The following NFASC variants were observed in gnomAD, a reference collection of about 807,000 sequenced individuals.
NFASC encodes the protein neurofascin homolog.
A neutral mutation model predicts 147.5 loss-of-function variants in NFASC; 43 were observed. The ratio of observed to expected loss-of-function variants is 0.29; its 90% CI spans 0.23 to 0.38. NFASC has a LOEUF of 0.38. Ranked by LOEUF, NFASC falls within the 10% of genes least tolerant of loss-of-function variation. The probability of loss-of-function intolerance (pLI) is 1.00; values close to 1 mark genes in which losing one functional copy is unlikely to be tolerated. For synonymous variants in NFASC, 622 were observed against 665.5 expected (o/e 0.93, Z 1.01); for missense variants, 1,320 against 1,689.0 (o/e 0.78, Z 3.83).
At chr1:204,941,022 C>T (rs897046417) in intron 2 of NFASC, among the ~76,000 whole-genome samples, 2 of 152,172 alleles carry the variant, frequency 1.3e-5, no homozygotes, top group Non-Finnish European at 2.9e-5. Context: ...CCAAACTATA[C>T]ATTTCTTTTT....
chr1:204,920,102 C>T (rs956076209), intron 1 of NFASC, among the ~76,000 whole-genome samples: 1 of 152,196 alleles, frequency 6.6e-6, no homozygotes, highest in Non-Finnish European at 1.5e-5. Context: ...GAGAAGTGTC[C>T]TACTCTAAAT....
At chr1:204,991,544 G>A (rs1219644428) in intron 24 of NFASC, among the ~76,000 whole-genome samples, 3 of 152,214 alleles carry the variant, frequency 2.0e-5, no homozygotes, top group Admixed American at 6.5e-5. Flanking sequence ...GTAGGAGAAT[G>A]GCTCAGCAGG....
At chr1:204,930,451 G>C (rs1399403308) in intron 2 of NFASC, among the ~76,000 whole-genome samples, 1 of 152,172 alleles carries the variant, frequency 6.6e-6, no homozygotes, top group East Asian at 1.9e-4. Flanking sequence ...TCATTGATGA[G>C]CTATTAAAAT....
Position 204,986,631 on chromosome 1 carries a change from C to T in NFASC, c.2471-787C>T, listed in dbSNP as rs1291995433. 6.3e-6 allele frequency: 1 copy of T among 159,200 alleles called. No individual in the cohort carries two copies. Among genetic ancestry groups the T allele is most frequent in the Non-Finnish European group, 1.4e-5 (1 of 71,746 alleles). The allele number at this position is 159,200 out of a possible 1,614,324, so 9.9% of individuals were successfully genotyped here. A position where few individuals can be genotyped will look rare whatever the true frequency, so the allele number is the denominator to read the frequency against. Reference sequence around the variant, plus strand: ...GTTTCACATGGCCCTGGGGTCAAAACCCCTATTTTTTGTTTCACATAAATT... The same window carrying T: ...GTTTCACATGGCCCTGGGGTCAAAATCCCTATTTTTTGTTTCACATAAATT... On this transcript the variant is annotated intron_variant, in intron 21 of 29. Transcript: ENST00000339876. The surrounding 1 kb of genome is among the most constrained non-coding windows in gnomAD (Gnocchi z 4.2).
intron 1 of NFASC, among the ~76,000 whole-genome samples, chr1:204,865,069 T>C (rs576294504): frequency 2.6e-5 from 4 of 152,350 alleles, no homozygotes; most frequent in African/African-American, 9.6e-5. Flanking sequence ...GTTTTAGCAC[T>C]CATATTTGGG....
At chr1:204,962,199 C>G in intron 8 of NFASC, 1 of 1,558,956 alleles carries the variant, frequency 6.4e-7, no homozygotes, top group Non-Finnish European at 8.8e-7. Flanking sequence ...CTTGCCTGTG[C>G]TAACCCCAGT....
chr1:204,953,389 C>T (rs1283688113), intron 5 of NFASC, among the ~76,000 whole-genome samples: 10 of 152,174 alleles, frequency 6.6e-5, no homozygotes, highest in Admixed American at 2.6e-4. Flanking sequence ...CTCCACTTCC[C>T]GGGTTCATGC....
At position 205,020,944 on chromosome 1, in the gene NFASC, A is replaced by G. The variant is rs972483111; in HGVS notation, c.*4405A>G. The G allele has an allele frequency of 5.3e-5, 8 of 152,196 alleles. No individual in the cohort carries two copies. Among genetic ancestry groups the G allele is most frequent in the African/African-American group, 1.9e-4 (8 of 41,424 alleles). The allele number at this position is 152,196 out of a possible 1,614,324, so 9.4% of individuals were successfully genotyped here. A position where few individuals can be genotyped will look rare whatever the true frequency, so the allele number is the denominator to read the frequency against. On this transcript the variant is annotated 3_prime_UTR_variant, in exon 30 of 30. Coordinates refer to ENST00000339876, the MANE Select transcript of NFASC (RefSeq NM_001005388.3). ...AGCCCATGGTTGCGGTTGCATCTACACCGTTAGTTGGCAAAGGATCCTGCT... is the reference window on the plus strand; with the variant it reads ...AGCCCATGGTTGCGGTTGCATCTACGCCGTTAGTTGGCAAAGGATCCTGCT...
At chr1:204,983,976 A>G in intron 21 of NFASC, 1 of 1,303,792 alleles carries the variant, frequency 7.7e-7, no homozygotes, top group Non-Finnish European at 1.1e-6. Context: ...AGTCAGAAGC[A>G]ACTGTAGAGT....
intron 1 of NFASC, among the ~76,000 whole-genome samples, chr1:204,905,656 G>T (rs1467996489): frequency 6.6e-6 from 1 of 151,884 alleles, no homozygotes; most frequent in Admixed American, 6.6e-5. Flanking sequence ...ATATTTCATT[G>T]TTTGACTCTA....
chr1:205,015,202 G>A lies in NFASC; in HGVS notation c.3492-1106G>A, dbSNP rs368937877. On this transcript the variant is annotated intron_variant, in intron 29 of 29. Coordinates refer to ENST00000339876, the MANE Select transcript of NFASC (RefSeq NM_001005388.3). The surrounding 1 kb of genome is among the most constrained non-coding windows in gnomAD (Gnocchi z 4.0). ...GTCTTCCCCACGTCCAGGAAGGACT[G>A]GGGGTGGGTGGGGAGCTGGGGGCAA... Among the ~76,000 whole-genome samples the A allele has an allele frequency of 6.4e-3, 969 of 152,278 alleles. 4 individuals are homozygous for A. The highest frequency in any genetic ancestry group is 0.034 in the Middle Eastern group (10 of 294).
At chr1:204,910,834 A>T (rs1434146314) in intron 1 of NFASC, among the ~76,000 whole-genome samples, 2 of 143,714 alleles carry the variant, frequency 1.4e-5, no homozygotes, top group African/African-American at 2.5e-5. Context: ...ATTTTTTTTT[A>T]AATCAATTCT....
chr1:204,963,057 C>T (rs886351982), intron 8 of NFASC, among the ~76,000 whole-genome samples: 9 of 152,122 alleles, frequency 5.9e-5, no homozygotes, highest in African/African-American at 2.2e-4. Context: ...GGCTGCAGGT[C>T]CTCAAGGGAC....
At chr1:204,936,081 TCTC>T (rs1177238109) in intron 2 of NFASC, among the ~76,000 whole-genome samples, 1 of 152,020 alleles carries the variant, frequency 6.6e-6, no homozygotes, top group East Asian at 1.9e-4. Context: ...TCCCACCTGT[TCTC>T]CTCCTGCCCA....
chr1:204,922,953 C>T lies in NFASC; in HGVS notation c.-91+2213C>T, dbSNP rs111492585. Among the ~76,000 whole-genome samples the T allele has an allele frequency of 4.5e-3, 690 of 152,328 alleles. 7 individuals carry two copies. The highest frequency in any genetic ancestry group is 6.9e-3 in the Non-Finnish European group (470 of 68,026). On this transcript the variant is annotated intron_variant, in intron 2 of 29. Coordinates refer to ENST00000339876, the MANE Select transcript of NFASC (RefSeq NM_001005388.3). ...GCACTGTGCCCTGCGCTCCATCCTC[C>T]CACAGTGGCCCCATGAAGTAGGGCC...
Position 204,893,903 on chromosome 1 carries a change from G to T in NFASC, c.-199-26729G>T, listed in dbSNP as rs144613124. ...ACCAATTCCCATTTGCCTGCCTTTA[G>T]ATGGCTAACAACGCCCAGATAGCAG... On this transcript the variant is annotated intron_variant, in intron 1 of 29. Transcript: ENST00000339876. Among the ~76,000 whole-genome samples the T allele has an allele frequency of 7.7e-4, 118 of 152,340 alleles. 1 individual carries two copies. Among genetic ancestry groups the T allele is most frequent in the South Asian group, 5.0e-3 (24 of 4,822 alleles).
intron 2 of NFASC, among the ~76,000 whole-genome samples, chr1:204,938,349 A>G (rs926707262): frequency 1.1e-4 from 17 of 152,010 alleles, no homozygotes; most frequent in South Asian, 4.1e-4. Flanking sequence ...GCTCAAACCC[A>G]CTCAGGGGCA....
chr1:204,984,382 C>CAT (rs55787898), intron 21 of NFASC: 19,937 of 133,806 alleles, frequency 0.15, 1,535 homozygotes, highest in Admixed American at 0.2. Flanking sequence ...TATATATACG[C>CAT]ATATATATAT....
chr1:204,984,388 T>TATATATATATATATATACAC (rs2095571336), intron 21 of NFASC: 3 of 72,966 alleles, frequency 4.1e-5, no homozygotes, highest in South Asian at 4.4e-4. Flanking sequence ...TACGCATATA[T>TATATATATATATATATACAC]ATATATATAT....
Sources: allele counts gnomAD v4.1 joint callset (sites outside exome capture counted in the v4.1 genomes callset), GRCh38; gene constraint gnomAD v4.1.1; non-coding constraint Gnocchi (gnomAD v3.1); transcripts MANE v1.5; gene names NCBI Gene and HGNC (gene_info 2026-07-23, HGNC 2026-07-21).